RANBP10: variants seen among roughly 807,000 people sequenced by gnomAD.
RANBP10 encodes ran-binding protein 10.
A neutral mutation model predicts 72.8 loss-of-function variants in RANBP10; 24 were observed. That is an observed-to-expected ratio of 0.33 (90% CI 0.24 to 0.46). RANBP10 has a LOEUF of 0.46. Ranked by LOEUF, RANBP10 falls within the 20% of genes least tolerant of loss-of-function variation. The pLI, the probability that RANBP10 is intolerant of heterozygous loss-of-function variation, is 1.00. For missense variants in RANBP10, 679 were observed against 817.5 expected (o/e 0.83, Z 2.07); for synonymous variants, 310 against 322.3 (o/e 0.96, Z 0.41).
In RANBP10 at chr16:67,724,775, C is replaced by G. The variant is rs1407118701; in HGVS notation, c.*1653G>C. The G allele has an allele frequency of 2.6e-5, 4 of 152,238 alleles. No homozygotes were observed. Among genetic ancestry groups the G allele is most frequent in the Admixed American group, 2.6e-4 (4 of 15,288 alleles). 9.4% of individuals were successfully genotyped at this position (152,238 alleles called of 1,614,324 possible). A position where few individuals can be genotyped will look rare whatever the true frequency, so the allele number is the denominator to read the frequency against. On this transcript the variant is annotated 3_prime_UTR_variant, in exon 14 of 14. Transcript: ENST00000317506. The stretch of plus-strand genomic sequence containing the variant: ...GGTATCTCAGGCCACACCAACCATT[C>G]CCATGTCCACCAATATGGAGCAGGA...
chr16:67,780,250 A>G (rs1363679278), intron 2 of RANBP10, among the ~76,000 whole-genome samples: 3 of 151,606 alleles, frequency 2.0e-5, no homozygotes, highest in Non-Finnish European at 4.4e-5. Context: ...ACAAACAAAC[A>G]AAAAAACACA....
intron 4 of RANBP10, chr16:67,738,901 C>A (rs148096188): frequency 6.6e-6 from 1 of 152,188 alleles, no homozygotes; most frequent in Non-Finnish European, 1.5e-5. Context: ...CTATCCCCTG[C>A]GGCCCTTCAG....
At chr16:67,733,273 G>A (rs1337199391) in intron 6 of RANBP10, among the ~76,000 whole-genome samples, 1 of 152,138 alleles carries the variant, frequency 6.6e-6, no homozygotes. Context: ...GACTGAGGTA[G>A]AAGAATTGCT....
intron 2 of RANBP10, among the ~76,000 whole-genome samples, chr16:67,773,294 T>C (rs1043629827): frequency 5.3e-5 from 8 of 152,216 alleles, no homozygotes; most frequent in African/African-American, 7.2e-5. Flanking sequence ...TGCTGGCTCC[T>C]AGTCAACATC....
chr16:67,729,917 C>T lies in RANBP10; in HGVS notation c.998+21G>A, dbSNP rs748760214. The T allele has an allele frequency of 5.6e-6, 9 of 1,613,682 alleles. No individual in the cohort carries two copies. The highest frequency in any genetic ancestry group is 7.6e-6 in the Non-Finnish European group (9 of 1,179,978). On this transcript the variant is annotated intron_variant, in intron 8 of 13. Coordinates refer to ENST00000317506, the MANE Select transcript of RANBP10 (RefSeq NM_020850.3). The surrounding 1 kb of genome is among the most constrained non-coding windows in gnomAD (Gnocchi z 7.1). ...TGAGAGGGGCTGGACTCTGGGGGAG[C>T]TGGGGGTGCCCAAGACTTACTTGAG...
At chr16:67,742,321 GA>G (rs1433275514) in intron 4 of RANBP10, among the ~76,000 whole-genome samples, 1 of 152,014 alleles carries the variant, frequency 6.6e-6, no homozygotes, top group Non-Finnish European at 1.5e-5. Flanking sequence ...GTAACTTCAT[GA>G]AAACATAAAC....
chr16:67,780,436 G>C (rs2054789729), intron 2 of RANBP10, among the ~76,000 whole-genome samples: 1 of 151,980 alleles, frequency 6.6e-6, no homozygotes, highest in East Asian at 1.9e-4. Flanking sequence ...AACTTCATGA[G>C]AGGTAAATGG....
chr16:67,795,532 T>G (rs2055114719), intron 2 of RANBP10, among the ~76,000 whole-genome samples: 1 of 150,618 alleles, frequency 6.6e-6, no homozygotes, highest in Non-Finnish European at 1.5e-5. Flanking sequence ...AGAGTGAAAC[T>G]CCGTCTCAAA....
chr16:67,792,294 C>T (rs2055043154), intron 2 of RANBP10, among the ~76,000 whole-genome samples: 1 of 152,048 alleles, frequency 6.6e-6, no homozygotes, highest in African/African-American at 2.4e-5. Flanking sequence ...GTGGCTCACG[C>T]CTGTAATCCC....
At chr16:67,761,936 A>AC (rs1026596191) in intron 3 of RANBP10, among the ~76,000 whole-genome samples, 2 of 152,150 alleles carry the variant, frequency 1.3e-5, no homozygotes, top group Non-Finnish European at 2.9e-5. Context: ...AGAAAAAAAA[A>AC]ACACACACCT....
At chr16:67,804,362 T>G (rs1008147083) in intron 2 of RANBP10, among the ~76,000 whole-genome samples, 1 of 152,026 alleles carries the variant, frequency 6.6e-6, no homozygotes, top group African/African-American at 2.4e-5. Context: ...TGTGTCTGCT[T>G]GGATCATCCT....
At chr16:67,736,935 A>T (rs76306017) in intron 5 of RANBP10, among the ~76,000 whole-genome samples, 7,148 of 152,188 alleles carry the variant, frequency 0.047, 477 homozygotes, top group African/African-American at 0.15. Context: ...TTGGGATCCC[A>T]AAGCAGCCAC....
intron 3 of RANBP10, among the ~76,000 whole-genome samples, chr16:67,761,682 G>A (rs1796136741): frequency 1.3e-5 from 2 of 152,076 alleles, no homozygotes; most frequent in African/African-American, 4.8e-5. Flanking sequence ...CAATTCTCCT[G>A]CCTCAGCCTC....
Position 67,796,654 on chromosome 16 carries a change from G to T in RANBP10, c.347+8774C>A, listed in dbSNP as rs144429782. Reference sequence around the variant, plus strand: ...AAGCTGAGGGTATTGTGGGGTATTGGGGCCTTCACACTTGCCACCCCTGAC... The same window carrying T: ...AAGCTGAGGGTATTGTGGGGTATTGTGGCCTTCACACTTGCCACCCCTGAC... On this transcript the variant is annotated intron_variant, in intron 2 of 13. Transcript: ENST00000317506. Among the ~76,000 whole-genome samples the T allele has an allele frequency of 4.2e-4, 64 of 152,168 alleles. No individual in the cohort carries two copies. In the East Asian group the frequency reaches 0.012, roughly 29 times the overall value.
intron 2 of RANBP10, among the ~76,000 whole-genome samples, chr16:67,795,771 C>T (rs2055120680): frequency 6.6e-6 from 1 of 150,988 alleles, no homozygotes; most frequent in Admixed American, 6.6e-5. Flanking sequence ...AGGAGAGTGG[C>T]GTGAACCCGG....
chr16:67,728,433 A>G lies in RANBP10; in HGVS notation c.1431T>C (p.Gly477=), dbSNP rs1254651049. Residue 477 remains glycine, a synonymous_variant, in exon 11 of 14, where the codon GGT becomes GGC. Coordinates refer to ENST00000317506, the MANE Select transcript of RANBP10 (RefSeq NM_020850.3). The part of the protein sequence containing the change: ...LGSMSTRIVN[G]AYKHEDLQTD... ...TCTGCAGGTCCTCATGCTTGTAGGC[A>G]CCATTAACAATGCGTGTGGACATGC... 6.2e-7 allele frequency: 1 copy of G among 1,613,942 alleles called. No individual in the cohort carries two copies. Among genetic ancestry groups the G allele is most frequent in the Non-Finnish European group, 8.5e-7 (1 of 1,180,004 alleles).
intron 2 of RANBP10, among the ~76,000 whole-genome samples, chr16:67,787,214 G>C (rs1403316225): frequency 6.6e-6 from 1 of 152,156 alleles, no homozygotes; most frequent in Non-Finnish European, 1.5e-5. Context: ...ACTCTAGCCT[G>C]GGTGACAGAG....
In RANBP10 at chr16:67,727,407, G is replaced by C. The variant is rs760511023; in HGVS notation, c.1652C>G (p.Pro551Arg). 2.5e-6 allele frequency: 4 copies of C among 1,613,848 alleles called. No homozygotes were observed. In the African/African-American group the frequency reaches 5.3e-5, roughly 22 times the overall value. The change falls in exon 13 of 14, where the codon CCC becomes CGC. Residue 551 changes from proline (P) to arginine (R), a missense_variant. Pro to Arg is a moderately radical substitution (Grantham distance 103). Coordinates refer to ENST00000317506, the MANE Select transcript of RANBP10 (RefSeq NM_020850.3). ...DAFSLLAYSD[P>R]WSCPVGQQLD... ...CTGCTGGCCAACTGGGCAGCTCCAG[G>C]GGTCTGAGTATGCCAGCAGGCTGAA...
chr16:67,793,503 G>C (rs1225045152), intron 2 of RANBP10, among the ~76,000 whole-genome samples: 1 of 151,736 alleles, frequency 6.6e-6, no homozygotes, highest in Non-Finnish European at 1.5e-5. Context: ...GTAGAGACAG[G>C]GTTTCACCAT....
Sources: allele counts gnomAD v4.1 joint callset (sites outside exome capture counted in the v4.1 genomes callset), GRCh38; gene constraint gnomAD v4.1.1; non-coding constraint Gnocchi (gnomAD v3.1); transcripts MANE v1.5; gene names NCBI Gene and HGNC (gene_info 2026-07-23, HGNC 2026-07-21).